The following ADGRL3 variants were observed in gnomAD, a reference collection of about 807,000 sequenced individuals.
The protein encoded by ADGRL3 is calcium-independent alpha-latrotoxin receptor 3.
In ADGRL3, 62 loss-of-function variants were observed where a neutral mutation model predicts 153.5. The observed-to-expected ratio is 0.40, with a 90% confidence interval of 0.33 to 0.50. The LOEUF is 0.50. Among genes scored for constraint, ADGRL3 ranks in the 20% least tolerant of loss-of-function variants. The pLI is 0.47. For missense variants in ADGRL3, 1,641 were observed against 1,859.4 expected (o/e 0.88, Z 2.16); for synonymous variants, 710 against 672.5 (o/e 1.06, Z -0.86).
intron 10 of ADGRL3, among the ~76,000 whole-genome samples, chr4:61,894,722 T>C (rs1416248964): frequency 1.3e-5 from 2 of 152,198 alleles, no homozygotes; most frequent in African/African-American, 4.8e-5. Flanking sequence ...GTCCATTCTG[T>C]TATGCCTTTG....
chr4:61,505,684 TG>T (rs1323461651), intron 3 of ADGRL3, among the ~76,000 whole-genome samples: 1 of 152,106 alleles, frequency 6.6e-6, no homozygotes, highest in Non-Finnish European at 1.5e-5. Flanking sequence ...TTCTGTAGAT[TG>T]TTTTTTCTCT....
At chr4:62,068,017 C>A in intron 25 of ADGRL3, 149 bp from the exon 26 acceptor site, 1 of 496,022 alleles carries the variant, frequency 2.0e-6, no homozygotes, top group Non-Finnish European at 3.6e-6. Context: ...TCATGTAACC[C>A]AGACTCATGA....
chr4:61,646,941 T>C (rs992813229), intron 5 of ADGRL3, among the ~76,000 whole-genome samples: 1 of 152,186 alleles, frequency 6.6e-6, no homozygotes, highest in Non-Finnish European at 1.5e-5. Flanking sequence ...TCCGTGGGCG[T>C]AGGACCCTCC....
intron 25 of ADGRL3, among the ~76,000 whole-genome samples, chr4:62,063,001 C>T (rs1302989350): frequency 2.6e-5 from 4 of 152,040 alleles, no homozygotes; most frequent in Non-Finnish European, 5.9e-5. Flanking sequence ...TCAACAACTG[C>T]TCTCCAAATG....
At chr4:61,896,907 A>G (rs2098634878) in intron 11 of ADGRL3, among the ~76,000 whole-genome samples, 1 of 152,174 alleles carries the variant, frequency 6.6e-6, no homozygotes, top group Non-Finnish European at 1.5e-5. Flanking sequence ...TCCCTACATT[A>G]GCAATTCTTT....
At chr4:61,717,152 AT>A (rs1201272642) in intron 6 of ADGRL3, among the ~76,000 whole-genome samples, 1 of 148,314 alleles carries the variant, frequency 6.7e-6, no homozygotes, top group East Asian at 2.0e-4. Context: ...TGTGTGTATC[AT>A]TTTTTTTGAA....
At chr4:61,622,934 C>G (rs1207052029) in intron 5 of ADGRL3, among the ~76,000 whole-genome samples, 2 of 151,788 alleles carry the variant, frequency 1.3e-5, no homozygotes, top group Non-Finnish European at 2.9e-5. Flanking sequence ...AAAAATTAAG[C>G]AAAAAATGAG....
At chr4:61,602,470 G>A (rs1345384125) in intron 5 of ADGRL3, among the ~76,000 whole-genome samples, 1 of 152,054 alleles carries the variant, frequency 6.6e-6, no homozygotes, top group Non-Finnish European at 1.5e-5. Flanking sequence ...ATGTGAAGAG[G>A]CCAAACATGC....
Position 61,956,707 on chromosome 4 carries a change from T to C in ADGRL3, c.2805+8431T>C, listed in dbSNP as rs1052064897. On this transcript the variant is annotated intron_variant, in intron 17 of 26. Coordinates refer to ENST00000683033, the MANE Select transcript of ADGRL3 (RefSeq NM_001387552.1). ...AGTCTTTAACCCATCTTGAGTTAAT[T>C]TGTGTATAAGGTATAAGGAAGGGAT... Among the ~76,000 whole-genome samples, 7 of 152,142 alleles carry C rather than the reference T, an allele frequency of 4.6e-5. No homozygotes were observed. In the East Asian group the frequency reaches 5.8e-4, roughly 13 times the overall value.
At chr4:61,605,479 G>A (rs2099028972) in intron 5 of ADGRL3, among the ~76,000 whole-genome samples, 1 of 152,144 alleles carries the variant, frequency 6.6e-6, no homozygotes, top group Non-Finnish European at 1.5e-5. Context: ...ATGGTACTCT[G>A]TAGAAGCATC....
At chr4:61,399,570 A>C (rs1176903014) in intron 2 of ADGRL3, among the ~76,000 whole-genome samples, 2 of 151,626 alleles carry the variant, frequency 1.3e-5, no homozygotes, top group Admixed American at 1.3e-4. Flanking sequence ...AGAAGTTGTC[A>C]ACAAATAGTA....
At chr4:61,416,402 G>T (rs1164963689) in intron 2 of ADGRL3, among the ~76,000 whole-genome samples, 1 of 151,418 alleles carries the variant, frequency 6.6e-6, no homozygotes, top group East Asian at 1.9e-4. Context: ...TAAAATTAAA[G>T]AATAAGGACA....
intron 8 of ADGRL3, among the ~76,000 whole-genome samples, chr4:61,804,362 T>A (rs1368120530): frequency 4.6e-5 from 7 of 152,140 alleles, no homozygotes; most frequent in Admixed American, 1.3e-4. Context: ...ACAGATCACT[T>A]GGATTGATGA....
At chr4:61,622,546 A>G (rs544010981) in intron 5 of ADGRL3, among the ~76,000 whole-genome samples, 3 of 151,816 alleles carry the variant, frequency 2.0e-5, no homozygotes, top group East Asian at 4.0e-4. Context: ...TCATAATGAT[A>G]AGAAGAAGGA....
At chr4:61,214,504 T>A (rs1296620519) in intron 1 of ADGRL3, among the ~76,000 whole-genome samples, 1 of 152,218 alleles carries the variant, frequency 6.6e-6, no homozygotes, top group Non-Finnish European at 1.5e-5. Flanking sequence ...TCAATGCATT[T>A]AAAATAAATG....
At chr4:61,451,481 A>G (rs1007073950) in intron 2 of ADGRL3, among the ~76,000 whole-genome samples, 2 of 152,228 alleles carry the variant, frequency 1.3e-5, no homozygotes, top group African/African-American at 4.8e-5. Flanking sequence ...CAGATTGATA[A>G]GTATGCTACC....
At chr4:61,531,554 G>A (rs759831721) in intron 4 of ADGRL3, among the ~76,000 whole-genome samples, 4 of 152,140 alleles carry the variant, frequency 2.6e-5, no homozygotes, top group East Asian at 1.9e-4. Context: ...CCTTCCTTCC[G>A]CAAGCATTTA....
rs186674196 is a variant in ADGRL3, at chr4:61,869,177, C to T, written c.1481-23479C>T. Among the ~76,000 whole-genome samples, 25 of 152,282 alleles carry T rather than the reference C, an allele frequency of 1.6e-4. No individual in the cohort carries two copies. The East Asian group carries it at 4.7e-3, about 28-fold the overall frequency. ...CAGGCTGGTCTTGAACTCCTGGGCT[C>T]AAGCCACCTTCCTACCTTGGTCTCC... is the stretch of plus-strand genomic sequence containing the variant. On this transcript the variant is annotated intron_variant, in intron 9 of 26. Coordinates refer to ENST00000683033, the MANE Select transcript of ADGRL3 (RefSeq NM_001387552.1).
intron 21 of ADGRL3, among the ~76,000 whole-genome samples, chr4:62,023,918 A>G (rs1050484287): frequency 2.6e-5 from 4 of 151,986 alleles, no homozygotes; most frequent in Admixed American, 6.6e-5. Flanking sequence ...CAACCTACCA[A>G]TTCATTTTTG....
Sources: gnomAD v4.1 joint callset for allele counts (sites outside exome capture counted in the v4.1 genomes callset) on GRCh38, gnomAD v4.1.1 for gene constraint, MANE v1.5 for transcripts, NCBI Gene and HGNC (gene_info 2026-07-23, HGNC 2026-07-21) for gene names.